OTOF: variants seen among roughly 807,000 people sequenced by gnomAD.
OTOF encodes the protein otoferlin.
A neutral mutation model predicts 236.8 loss-of-function variants in OTOF; 218 were observed. The ratio of observed to expected loss-of-function variants is 0.92; its 90% CI spans 0.82 to 1.03. OTOF has a LOEUF of 1.03. Among genes scored for constraint, OTOF ranks in the 50% least tolerant of loss-of-function variants. OTOF has a pLI of 0.00. For synonymous variants in OTOF, 1,041 were observed against 1,072.5 expected, an observed-to-expected ratio of 0.97 and a Z score of 0.57; for missense variants, 2,590 against 2,694.4, an observed-to-expected ratio of 0.96 and a Z score of 0.86.
intron 1 of OTOF, among the ~76,000 whole-genome samples, chr2:26,539,145 G>A (rs922754253): frequency 6.6e-6 from 1 of 151,950 alleles, no homozygotes; most frequent in South Asian, 2.1e-4. Context: ...CATACTCCAA[G>A]GTACAATTTC....
At chr2:26,504,906 T>A (rs143546365) in intron 5 of OTOF, among the ~76,000 whole-genome samples, 383 of 152,320 alleles carry the variant, frequency 2.5e-3, no homozygotes, top group Middle Eastern at 0.01. Flanking sequence ...TGGAGCTCGC[T>A]TACAGCAGAG....
intron 6 of OTOF, 73 bp from the exon 7 acceptor site, chr2:26,502,499 G>T: frequency 1.3e-6 from 2 of 1,490,522 alleles, no homozygotes; most frequent in Non-Finnish European, 9.2e-7. Flanking sequence ...TTTTACTCTG[G>T]CATCCAGAAA....
Position 26,463,971 on chromosome 2 carries a change from A to T in OTOF, c.5096T>A (p.Ile1699Asn). 1 of 1,613,764 alleles carries T rather than the reference A, an allele frequency of 6.2e-7. No homozygotes were observed. The highest frequency in any genetic ancestry group is 8.5e-7 in the Non-Finnish European group (1 of 1,179,958). ...TGGCCATGCAAGTGTCACCTGCTCG[A>T]TGCCCGGCTTGTCGGGGTTGAGCAG... Reference protein sequence around the residue: ...RPLLNPDKPGIEQGRLELWVD... With the variant: ...RPLLNPDKPGNEQGRLELWVD... The change falls in exon 40 of 47, where the codon ATC becomes AAC. Residue 1699 changes from isoleucine (I) to asparagine (N), a missense_variant. Ile to Asn is a moderately radical substitution (Grantham distance 149, BLOSUM62 -3). Transcript: ENST00000272371.
chr2:26,483,682 A>G, intron 12 of OTOF, 34 bp from the exon 13 acceptor site: 1 of 1,598,010 alleles, frequency 6.3e-7, no homozygotes, highest in Non-Finnish European at 8.5e-7. Context: ...CATGGTCACC[A>G]GGTCCAGGTC....
intron 3 of OTOF, among the ~76,000 whole-genome samples, chr2:26,525,185 G>T (rs545214914): frequency 6.6e-6 from 1 of 152,194 alleles, no homozygotes; most frequent in Non-Finnish European, 1.5e-5. Context: ...CAAAGGGAAG[G>T]CCTTTGTGCA....
rs1345019839 is a variant in OTOF at position 26,484,642 on chromosome 2, A to C, written c.1046-9T>G. The C allele has an allele frequency of 1.2e-6, 2 of 1,613,290 alleles. No individual in the cohort carries two copies. ...GTGATGGAACTGGTGCTCTGCAATG[A>C]TGAGGGGTGGGCACTGCACCAGACA... is the stretch of plus-strand genomic sequence containing the variant. On this transcript the variant is annotated splice_polypyrimidine_tract_variant and intron_variant, in intron 11 of 46. Transcript: ENST00000272371.
intron 9 of OTOF, 52 bp downstream of exon 9, chr2:26,494,890 G>A: frequency 6.2e-7 from 1 of 1,609,632 alleles, no homozygotes; most frequent in Non-Finnish European, 8.5e-7. Context: ...GAGGGCTGGG[G>A]CCACCCTCCT....
chr2:26,475,584 G>A lies in OTOF; in HGVS notation c.2992-91C>T, dbSNP rs558568282. The A allele has an allele frequency of 8.7e-6, 12 of 1,386,176 alleles. No homozygotes were observed. In the African/African-American group the frequency reaches 1.0e-4, roughly 11 times the overall value. The allele number at this position is 1,386,176 out of a possible 1,614,324, so 85.9% of individuals were successfully genotyped here. On this transcript the variant is annotated intron_variant, in intron 24 of 46. Transcript: ENST00000272371. ...CCACCCCTACTCACTCAGCTTCCAC[G>A]GAACCTGGGGGCAGGAGTGACAGGT...
chr2:26,516,796 G>A (rs998443577), intron 4 of OTOF, among the ~76,000 whole-genome samples, 197 bp from the exon 5 acceptor site: 1 of 152,154 alleles, frequency 6.6e-6, no homozygotes, highest in Non-Finnish European at 1.5e-5. Context: ...TGTGCAGACC[G>A]GGTCAGCTTA....
rs1052395452 is a variant in OTOF at position 26,482,523 on chromosome 2, A to G, written c.1462T>C (p.Phe488Leu). The G allele has an allele frequency of 1.2e-6, 2 of 1,613,300 alleles. No individual in the cohort carries two copies. The highest frequency in any genetic ancestry group is 1.6e-4 in the Middle Eastern group (1 of 6,084). Residue 488 changes from phenylalanine to leucine, a missense_variant, in exon 14 of 47, where the codon TTC becomes CTC. Transcript: ENST00000272371. ...TTCATGCGTTTGCAGAGTGGGGGGA[A>G]GAGGTCTGTAAAGACGACCTGCTCA... ...WNEQVVFTDL[F>L]PPLCKRMKVQ...
chr2:26,526,086 C>CAAAAAAAAAAAAAAAA (rs796661291), intron 3 of OTOF, among the ~76,000 whole-genome samples: 1 of 58,432 alleles, frequency 1.7e-5, no homozygotes, highest in Non-Finnish European at 3.6e-5. Flanking sequence ...GACTCTGTCT[C>CAAAAAAAAAAAAAAAA]AAAAAAAAAA....
At position 26,477,512 on chromosome 2, in the gene OTOF, G is replaced by T. The variant is rs536817165; in HGVS notation, c.2316-6C>A. ...CAGCGAGGGAGAGGAAGCGGCTGGG[G>T]GTAGGGCGAGCCGGGGTTTAGCGAG... On this transcript the variant is annotated splice_region_variant and splice_polypyrimidine_tract_variant and intron_variant, in intron 19 of 46. Coordinates refer to ENST00000272371, the MANE Select transcript of OTOF (RefSeq NM_194248.3). The surrounding 1 kb of genome is among the most constrained non-coding windows in gnomAD (Gnocchi z 4.7). 1.2e-6 allele frequency: 2 copies of T among 1,601,198 alleles called. No individual in the cohort carries two copies.
chr2:26,553,948 G>T (rs909509770), intron 1 of OTOF, among the ~76,000 whole-genome samples: 2 of 152,050 alleles, frequency 1.3e-5, no homozygotes, highest in South Asian at 2.1e-4. Context: ...CGAGGCAGGC[G>T]GATCATGAGG....
At chr2:26,519,740 C>T (rs1483754842) in intron 3 of OTOF, among the ~76,000 whole-genome samples, 1 of 152,194 alleles carries the variant, frequency 6.6e-6, no homozygotes, top group African/African-American at 2.4e-5. Context: ...TCCTGGGCAA[C>T]TTCCTTAAGC....
intron 5 of OTOF, among the ~76,000 whole-genome samples, chr2:26,515,418 A>G (rs531779181): frequency 1.4e-5 from 2 of 147,634 alleles, no homozygotes; most frequent in Admixed American, 1.4e-4. Flanking sequence ...GTGTGTGTGT[A>G]TGTGTATGTG....
rs145147881 is a variant in OTOF at position 26,555,530 on chromosome 2, C to T, written c.79+2963G>A. ...ATACAGAACTGGCTGGGAGCACTGA[C>T]CGAGGGGCCGACTGGCCTGAGGGCA... On this transcript the variant is annotated intron_variant, in intron 1 of 46. Transcript: ENST00000272371. Among the ~76,000 whole-genome samples the T allele has an allele frequency of 3.0e-3, 457 of 152,312 alleles. 1 individual carries two copies. Among genetic ancestry groups the T allele is most frequent in the African/African-American group, 9.1e-3 (377 of 41,560 alleles).
intron 46 of OTOF, among the ~76,000 whole-genome samples, chr2:26,458,645 G>T (rs967218101): frequency 6.6e-6 from 1 of 152,198 alleles, no homozygotes; most frequent in African/African-American, 2.4e-5. Context: ...CAGCCCCTGT[G>T]GGGTGCAAGC....
chr2:26,513,927 G>T (rs923940775), intron 5 of OTOF, among the ~76,000 whole-genome samples: 1 of 152,186 alleles, frequency 6.6e-6, no homozygotes, highest in African/African-American at 2.4e-5. Flanking sequence ...TAGGGCTGCG[G>T]GGCCAGCTTC....
chr2:26,516,734 C>A lies in OTOF; in HGVS notation c.328-135G>T. The stretch of plus-strand genomic sequence containing the variant: ...CTGGAGGAGGTCAGGATGGTATGAT[C>A]CCCTCTGCCCCATTTTGCTGATGAG... On this transcript the variant is annotated intron_variant, in intron 4 of 46. Transcript: ENST00000272371. The A allele has an allele frequency of 2.3e-6, 2 of 874,260 alleles. 1 individual carries two copies. Among genetic ancestry groups the A allele is most frequent in the South Asian group, 2.8e-5 (2 of 71,610 alleles). The allele number at this position is 874,260 out of a possible 1,614,324, so 54.2% of individuals were successfully genotyped here. A position where few individuals can be genotyped will look rare whatever the true frequency, so the allele number is the denominator to read the frequency against.
Sources: gnomAD v4.1 joint callset for allele counts (sites outside exome capture counted in the v4.1 genomes callset) on GRCh38, gnomAD v4.1.1 for gene constraint, Gnocchi (gnomAD v3.1) non-coding constraint, MANE v1.5 for transcripts, NCBI Gene and HGNC (gene_info 2026-07-23, HGNC 2026-07-21) for gene names.